The following HECW2 variants were observed in gnomAD, a reference collection of about 807,000 sequenced individuals.
HECW2 encodes HECT, C2 and WW domain containing E3 ubiquitin protein ligase 2, also known as E3 ubiquitin-protein ligase HECW2.
A neutral mutation model predicts 175.2 loss-of-function variants in HECW2; 61 were observed. The observed-to-expected ratio is 0.35, with a 90% CI of 0.28 to 0.43. HECW2 has a LOEUF of 0.43. Ranked by LOEUF, HECW2 falls within the 20% of genes least tolerant of loss-of-function variation. HECW2 has a pLI of 1.00. For synonymous variants in HECW2, 671 were observed against 731.0 expected (o/e 0.92, Z 1.32); for missense variants, 1,524 against 2,000.5 (o/e 0.76, Z 4.54).
chr2:196,469,101 CTGTGTGTGTGTGTGTGTGCGTG>C (rs1697080686), intron 1 of HECW2, among the ~76,000 whole-genome samples: 2 of 130,778 alleles, frequency 1.5e-5, no homozygotes, highest in African/African-American at 5.3e-5. Flanking sequence ...GTCACTGAAC[CTGTGTGTGTGTGTGTGTGCGTG>C]TGTGTGTGTG....
At chr2:196,394,189 A>G (rs1008280840) in intron 2 of HECW2, among the ~76,000 whole-genome samples, 1 of 152,130 alleles carries the variant, frequency 6.6e-6, no homozygotes, top group Non-Finnish European at 1.5e-5. Context: ...ATTAGGAGAT[A>G]TACCTAATGT....
chr2:196,551,895 C>T (rs1172413381), intron 1 of HECW2, among the ~76,000 whole-genome samples: 1 of 152,202 alleles, frequency 6.6e-6, no homozygotes, highest in Non-Finnish European at 1.5e-5. Flanking sequence ...AGGTCATCAG[C>T]TGACCTTCTT....
chr2:196,230,001 C>T (rs2105845362), intron 21 of HECW2, among the ~76,000 whole-genome samples: 1 of 152,224 alleles, frequency 6.6e-6, no homozygotes, highest in South Asian at 2.1e-4. Flanking sequence ...ATCCTCACAC[C>T]CATACTGTGC....
At chr2:196,374,423 TA>T (rs1360198637) in intron 2 of HECW2, among the ~76,000 whole-genome samples, 1 of 152,194 alleles carries the variant, frequency 6.6e-6, no homozygotes, top group Non-Finnish European at 1.5e-5. Context: ...TATTTGTCCA[TA>T]ATTTCCAAGT....
At position 196,196,505 on chromosome 2, in the gene HECW2, G is replaced by A. The variant is rs1400963634; in HGVS notation, c.*4772C>T. ...CCCTCACCTACTAAATCAGAAAGCAGACAAAACAGAGCAAGGCCCAGAGGC... is the reference window on the plus strand; with the variant it reads ...CCCTCACCTACTAAATCAGAAAGCAAACAAAACAGAGCAAGGCCCAGAGGC... On this transcript the variant is annotated 3_prime_UTR_variant, in exon 29 of 29. Transcript: ENST00000644978. 2 of 152,262 alleles carry A rather than the reference G, an allele frequency of 1.3e-5. 1 individual carries two copies. Among genetic ancestry groups the A allele is most frequent in the East Asian group, 3.8e-4 (2 of 5,210 alleles). 9.4% of individuals were successfully genotyped at this position (152,262 alleles called of 1,614,324 possible).
intron 13 of HECW2, among the ~76,000 whole-genome samples, chr2:196,295,790 T>C (rs937714528): frequency 6.6e-6 from 1 of 152,218 alleles, no homozygotes; most frequent in Non-Finnish European, 1.5e-5. Flanking sequence ...TGGGGCTGAA[T>C]AGCTCTTTAA....
chr2:196,534,214 C>T (rs1187137699), intron 1 of HECW2, among the ~76,000 whole-genome samples: 1 of 151,678 alleles, frequency 6.6e-6, no homozygotes, highest in Admixed American at 6.6e-5. Context: ...ATTTCCTGAC[C>T]ACAGGAAAGC....
At chr2:196,514,229 G>C (rs1052064081) in intron 1 of HECW2, among the ~76,000 whole-genome samples, 3 of 152,240 alleles carry the variant, frequency 2.0e-5, no homozygotes, top group Admixed American at 1.3e-4. Flanking sequence ...GGCCGAGTCT[G>C]AGCACTGTCA....
chr2:196,410,223 C>T lies in HECW2; in HGVS notation c.292+22909G>A, dbSNP rs12992280. On this transcript the variant is annotated intron_variant, in intron 2 of 28. Coordinates refer to ENST00000644978, the MANE Select transcript of HECW2 (RefSeq NM_001348768.2). ...AAGATTTGTAAATATGATCTTTGTT[C>T]CATGGTCATGCGCTTTGAAAGAAAA... Among the ~76,000 whole-genome samples the T allele has an allele frequency of 8.1e-3, 1,239 of 152,280 alleles. 10 individuals carry two copies. The highest frequency in any genetic ancestry group is 0.012 in the Non-Finnish European group (848 of 68,024).
At chr2:196,234,951 A>C (rs189197471) in intron 21 of HECW2, among the ~76,000 whole-genome samples, 1 of 152,320 alleles carries the variant, frequency 6.6e-6, no homozygotes. Flanking sequence ...CTCCAGCTCT[A>C]ACCAAATTAA....
At chr2:196,557,260 T>C (rs1266399630) in intron 1 of HECW2, among the ~76,000 whole-genome samples, 1 of 152,028 alleles carries the variant, frequency 6.6e-6, no homozygotes, top group Non-Finnish European at 1.5e-5. Flanking sequence ...CAGGGCGTGG[T>C]GGCACATTCC....
At chr2:196,483,715 G>A (rs935469812) in intron 1 of HECW2, among the ~76,000 whole-genome samples, 3 of 151,996 alleles carry the variant, frequency 2.0e-5, no homozygotes, top group Admixed American at 6.6e-5. Context: ...AAACCATAAG[G>A]GACACATTCA....
At chr2:196,581,593 T>C (rs1409111996) in intron 1 of HECW2, among the ~76,000 whole-genome samples, 1 of 152,140 alleles carries the variant, frequency 6.6e-6, no homozygotes, top group Non-Finnish European at 1.5e-5. Context: ...CTTAACATTG[T>C]GAATTTTACG....
intron 1 of HECW2, among the ~76,000 whole-genome samples, chr2:196,562,383 C>T (rs1254239082): frequency 6.6e-6 from 1 of 152,138 alleles, no homozygotes; most frequent in Non-Finnish European, 1.5e-5. Context: ...ACAGCACATT[C>T]TTTTGACAAT....
At position 196,275,564 on chromosome 2, in the gene HECW2, C is replaced by T. The variant is rs372928475; in HGVS notation, c.3136-1441G>A. Among the ~76,000 whole-genome samples the T allele has an allele frequency of 1.2e-3, 184 of 152,090 alleles. 1 individual carries two copies. In the Middle Eastern group the frequency reaches 0.014, roughly 11 times the overall value. On this transcript the variant is annotated intron_variant, in intron 15 of 28. Transcript: ENST00000644978. ...GTCAACAGATCGAGACCATCCTGGCCAACATGGTGAAACCCCATCTCTACT... is the reference window on the plus strand; with the variant it reads ...GTCAACAGATCGAGACCATCCTGGCTAACATGGTGAAACCCCATCTCTACT...
At chr2:196,340,593 C>T (rs1692712027) in intron 3 of HECW2, among the ~76,000 whole-genome samples, 1 of 32,730 alleles carries the variant, frequency 3.1e-5, no homozygotes, top group South Asian at 2.0e-3. Context: ...AAGACTCCGT[C>T]TCAAAAAAAA....
intron 1 of HECW2, among the ~76,000 whole-genome samples, chr2:196,483,685 G>T (rs1248844269): frequency 6.6e-6 from 1 of 152,092 alleles, no homozygotes; most frequent in African/African-American, 2.4e-5. Context: ...AAATACAGGG[G>T]ACAAGGAAAC....
In HECW2 at chr2:196,465,784, T is replaced by C. The variant is rs568957939; in HGVS notation, c.-35-32326A>G. ...ACCACTGATCCAAAAGGACAGAAAA[T>C]GAAAATGAAGCCCCACCATTTCTTG... On this transcript the variant is annotated intron_variant, in intron 1 of 28. Transcript: ENST00000644978. 4.6e-5 allele frequency among the ~76,000 whole-genome samples: 7 copies of C among 151,480 alleles called. No homozygotes were observed. The East Asian group carries it at 1.4e-3, about 29-fold the overall frequency.
At chr2:196,351,981 A>T (rs368765049) in intron 2 of HECW2, among the ~76,000 whole-genome samples, 35 of 152,348 alleles carry the variant, frequency 2.3e-4, no homozygotes, top group African/African-American at 7.9e-4. Flanking sequence ...TTGAGGAGAA[A>T]ACTGTGACGA....
Sources: gnomAD v4.1 joint callset for allele counts (sites outside exome capture counted in the v4.1 genomes callset) on GRCh38, gnomAD v4.1.1 for gene constraint, MANE v1.5 for transcripts, NCBI Gene and HGNC (gene_info 2026-07-23, HGNC 2026-07-21) for gene names.